Variants in SFMBT2 observed in about 807,000 individuals in gnomAD.
SFMBT2 encodes the protein scm-like with four MBT domains protein 2.
Under a neutral mutation model 110.1 loss-of-function variants are expected in SFMBT2, and 38 were observed. The ratio of observed to expected loss-of-function variants is 0.35; its 90% CI spans 0.27 to 0.45. SFMBT2 has a LOEUF of 0.45. Among genes scored for constraint, SFMBT2 ranks in the 20% least tolerant of loss-of-function variants. The probability of loss-of-function intolerance (pLI) is 1.00; values close to 1 mark genes in which losing one functional copy is unlikely to be tolerated. For missense variants in SFMBT2, 1,011 were observed against 1,094.9 expected (o/e 0.92, Z 1.08); for synonymous variants, 425 against 425.4 (o/e 1.00, Z 0.01).
intron 4 of SFMBT2, chr10:7,320,752 T>A: frequency 7.7e-6 from 2 of 261,402 alleles, no homozygotes; most frequent in Non-Finnish European, 1.2e-5. Context: ...CCAGGGTCTT[T>A]CAGACCCTCC....
At chr10:7,180,842 A>G (rs1838223451) in intron 16 of SFMBT2, among the ~76,000 whole-genome samples, 1 of 152,182 alleles carries the variant, frequency 6.6e-6, no homozygotes, top group African/African-American at 2.4e-5. Context: ...GGTGGAGAGC[A>G]CAGGCCAGGC....
intron 9 of SFMBT2, among the ~76,000 whole-genome samples, chr10:7,228,724 TTTCTTTCTTTCCTTTCTCTCTCTC>T (rs1839995863): frequency 2.8e-5 from 3 of 107,236 alleles, no homozygotes; most frequent in Non-Finnish European, 5.6e-5. Flanking sequence ...TCTTTCTTTC[TTTCTTTCTTTCCTTTCTCTCTCTC>T]TCTCTCTCTC....
Position 7,172,478 on chromosome 10 carries a change from C to T in SFMBT2, c.2151+17G>A, listed in dbSNP as rs763697592. 3.1e-6 allele frequency: 5 copies of T among 1,612,576 alleles called. No individual in the cohort carries two copies. Among genetic ancestry groups the T allele is most frequent in the African/African-American group, 2.7e-5 (2 of 74,896 alleles). On this transcript the variant is annotated intron_variant, in intron 18 of 20. Coordinates refer to ENST00000397167, the MANE Select transcript of SFMBT2 (RefSeq NM_001387889.1). The surrounding 1 kb of genome is among the most constrained non-coding windows in gnomAD (Gnocchi z 4.6). ...TGACAGAGCTACAGGCTGGCAGGTG[C>T]CCCGGGCAGAACATACCTCCCCCGA...
intron 11 of SFMBT2, among the ~76,000 whole-genome samples, chr10:7,211,843 A>G (rs1839359875): frequency 6.6e-6 from 1 of 152,202 alleles, no homozygotes; most frequent in Non-Finnish European, 1.5e-5. Flanking sequence ...AGTTACGGAA[A>G]AACTTAAGGG....
rs376629508 is a variant in SFMBT2, at chr10:7,365,321, C to T, written c.436+2328G>A. Among the ~76,000 whole-genome samples, 36 of 152,348 alleles carry T rather than the reference C, an allele frequency of 2.4e-4. No homozygotes were observed. The East Asian group carries it at 5.8e-3, about 24-fold the overall frequency. ...AGGAGGAAAGGTGAAGGAGAGCGCA[C>T]GTGCTTCCTCCTTTCGTAACAATGA... is the stretch of plus-strand genomic sequence containing the variant. On this transcript the variant is annotated intron_variant, in intron 4 of 20. Coordinates refer to ENST00000397167, the MANE Select transcript of SFMBT2 (RefSeq NM_001387889.1).
intron 1 of SFMBT2, among the ~76,000 whole-genome samples, chr10:7,383,880 T>C (rs879397481): frequency 5.3e-5 from 8 of 152,090 alleles, no homozygotes; most frequent in African/African-American, 1.9e-4. Flanking sequence ...TAAAATGCAG[T>C]GTACTAGGTC....
chr10:7,410,240 A>G (rs980683948), intron 1 of SFMBT2, among the ~76,000 whole-genome samples: 2 of 152,258 alleles, frequency 1.3e-5, no homozygotes, highest in African/African-American at 4.8e-5. Flanking sequence ...TACTACTGCC[A>G]ATTTTATTTC....
chr10:7,340,292 TGAG>T lies in SFMBT2; in HGVS notation c.436+27354_436+27356del, dbSNP rs768002184. ...TCCTCTCATCTTCATGCTGAGTAGG[TGAG>T]GAGGAGGAGGAGGAGTTGGTCTTGC... On this transcript the variant is annotated intron_variant, in intron 4 of 20. Transcript: ENST00000397167. Among the ~76,000 whole-genome samples the T allele has an allele frequency of 3.7e-3, 553 of 151,224 alleles. 1 individual carries two copies. The highest frequency in any genetic ancestry group is 0.01 in the Middle Eastern group (3 of 294).
At chr10:7,187,841 T>C (rs1391815980) in intron 16 of SFMBT2, among the ~76,000 whole-genome samples, 1 of 152,238 alleles carries the variant, frequency 6.6e-6, no homozygotes, top group East Asian at 1.9e-4. Context: ...TAAAAAAACA[T>C]CATTTCTCAA....
intron 7 of SFMBT2, chr10:7,249,336 C>T (rs1334025650): frequency 4.5e-6 from 1 of 223,730 alleles, no homozygotes; most frequent in Admixed American, 6.5e-5. Context: ...GCTTTCCCGC[C>T]TCCTAAGATA....
intron 9 of SFMBT2, chr10:7,228,502 CA>C (rs1164776309): frequency 7.3e-6 from 2 of 273,674 alleles, no homozygotes; most frequent in Admixed American, 6.5e-5. Context: ...GGAAGGAAGG[CA>C]AACGTTGCCC....
intron 4 of SFMBT2, among the ~76,000 whole-genome samples, chr10:7,297,693 A>T (rs1842442202): frequency 6.6e-6 from 1 of 152,226 alleles, no homozygotes; most frequent in South Asian, 2.1e-4. Flanking sequence ...AAAATTTTGA[A>T]ACAAAAGCTA....
At chr10:7,371,530 A>G (rs950900744) in intron 2 of SFMBT2, among the ~76,000 whole-genome samples, 1 of 152,270 alleles carries the variant, frequency 6.6e-6, no homozygotes, top group Admixed American at 6.5e-5. Flanking sequence ...AAACTTGTAT[A>G]GCCAAAAAGC....
chr10:7,357,787 A>C (rs1844566584), intron 4 of SFMBT2, among the ~76,000 whole-genome samples: 1 of 152,180 alleles, frequency 6.6e-6, no homozygotes, highest in African/African-American at 2.4e-5. Context: ...CTTTGCACAA[A>C]CCAACCATTC....
chr10:7,317,461 G>C (rs987245165), intron 4 of SFMBT2, among the ~76,000 whole-genome samples: 1 of 151,988 alleles, frequency 6.6e-6, no homozygotes, highest in Admixed American at 6.6e-5. Flanking sequence ...GACTAACATG[G>C]AGAAACCCCA....
chr10:7,368,837 A>G (rs1844986042), intron 3 of SFMBT2, among the ~76,000 whole-genome samples: 1 of 152,234 alleles, frequency 6.6e-6, no homozygotes, highest in Non-Finnish European at 1.5e-5. Context: ...AAGCTTTGCT[A>G]TGTTTTAATA....
chr10:7,316,958 C>A (rs1052135828), intron 4 of SFMBT2, among the ~76,000 whole-genome samples: 10 of 152,124 alleles, frequency 6.6e-5, no homozygotes, highest in African/African-American at 2.4e-4. Flanking sequence ...AGGGACTATG[C>A]CTATTTGTTT....
At chr10:7,181,423 C>T (rs1039839676) in intron 16 of SFMBT2, among the ~76,000 whole-genome samples, 1 of 152,130 alleles carries the variant, frequency 6.6e-6, no homozygotes, top group Non-Finnish European at 1.5e-5. Context: ...GGATATTCAA[C>T]ATGTATTTGG....
chr10:7,174,020 C>T (rs72773845), intron 17 of SFMBT2, among the ~76,000 whole-genome samples: 9,169 of 152,326 alleles, frequency 0.06, 447 homozygotes, highest in South Asian at 0.22. Flanking sequence ...GTCCCACCTC[C>T]TCCCCTGCGT....
Sources: gnomAD v4.1 joint callset for allele counts (sites outside exome capture counted in the v4.1 genomes callset) on GRCh38, gnomAD v4.1.1 for gene constraint, Gnocchi (gnomAD v3.1) non-coding constraint, MANE v1.5 for transcripts, NCBI Gene and HGNC (gene_info 2026-07-23, HGNC 2026-07-21) for gene names.